Variants in FOXK2 observed in about 807,000 individuals in gnomAD.
FOXK2 encodes forkhead box protein K2.
Under a neutral mutation model 53.3 loss-of-function variants are expected in FOXK2, and 24 were observed. That is an observed-to-expected ratio of 0.45 (90% CI 0.33 to 0.63). The LOEUF is 0.63. FOXK2 is among the 30% of genes least tolerant of loss of function. FOXK2 has a pLI of 0.03. For synonymous variants in FOXK2, 505 were observed against 407.1 expected (o/e 1.24, Z -2.89); for missense variants, 952 against 910.5 (o/e 1.05, Z -0.59).
chr17:82,571,861 G>A lies in FOXK2; in HGVS notation c.900G>A (p.Lys300=), dbSNP rs763098862. The change falls in exon 4 of 9, where the codon AAG becomes AAA. Residue 300 remains lysine, a synonymous_variant. Coordinates refer to ENST00000335255, the MANE Select transcript of FOXK2 (RefSeq NM_004514.4). ...KNYPYYRTAD[K]GWQNSIRHNL... is the part of the protein sequence containing the mutation. ...ATCCCTACTACAGGACTGCGGACAA[G>A]GGCTGGCAGGTAAATGCCTTCAGTT... 1.9e-6 allele frequency: 3 copies of A among 1,559,428 alleles called. No individual in the cohort carries two copies. The highest frequency in any genetic ancestry group is 2.4e-5 in the East Asian group (1 of 41,696).
At chr17:82,593,441 C>A (rs1014454611) in intron 8 of FOXK2, 1 of 152,554 alleles carries the variant, frequency 6.6e-6, no homozygotes, top group East Asian at 1.9e-4. Context: ...CCCGCGCCCC[C>A]CTGGCGGAGC....
intron 4 of FOXK2, chr17:82,576,700 G>A (rs928330052): frequency 1.6e-5 from 17 of 1,069,352 alleles, no homozygotes; most frequent in African/African-American, 9.6e-5. Context: ...TCTAGTCCTC[G>A]GCCTTCTTTT....
intron 6 of FOXK2, among the ~76,000 whole-genome samples, chr17:82,584,549 CTTTT>C (rs34083156): frequency 0.013 from 1,162 of 89,772 alleles, 2 homozygotes; most frequent in South Asian, 0.042. Context: ...AAAACATGTC[CTTTT>C]TTTTTTTTTT....
intron 5 of FOXK2, among the ~76,000 whole-genome samples, chr17:82,583,707 C>T (rs1035329429): frequency 5.3e-5 from 8 of 152,176 alleles, no homozygotes; most frequent in South Asian, 2.1e-4. Flanking sequence ...CGGACCTGCT[C>T]GCTGCCGGCT....
At chr17:82,597,390 C>T (rs2045325484) in intron 8 of FOXK2, among the ~76,000 whole-genome samples, 1 of 152,176 alleles carries the variant, frequency 6.6e-6, no homozygotes, top group Non-Finnish European at 1.5e-5. Context: ...TGTGGCCCAC[C>T]CCGGGGCTGC....
chr17:82,532,171 T>G (rs1034986323), intron 1 of FOXK2, among the ~76,000 whole-genome samples: 28 of 150,710 alleles, frequency 1.9e-4, no homozygotes, highest in African/African-American at 6.9e-4. Context: ...TGAGATGGAG[T>G]TTCGCTCTTG....
chr17:82,530,514 T>TG (rs2044463676), intron 1 of FOXK2, among the ~76,000 whole-genome samples: 1 of 147,956 alleles, frequency 6.8e-6, no homozygotes. Flanking sequence ...TGATGTGTTT[T>TG]TTTTTTTTTT....
intron 2 of FOXK2, 127 bp downstream of exon 2, chr17:82,563,675 A>G: frequency 1.3e-6 from 1 of 772,600 alleles, no homozygotes; most frequent in Non-Finnish European, 1.9e-6. Context: ...TTAAAATATC[A>G]TTGGATTTCT....
At chr17:82,520,972 G>A (rs2044356326) in intron 1 of FOXK2, among the ~76,000 whole-genome samples, 1 of 152,134 alleles carries the variant, frequency 6.6e-6, no homozygotes. Flanking sequence ...TTATTACAAG[G>A]TCATGTAGAG....
intron 2 of FOXK2, among the ~76,000 whole-genome samples, chr17:82,566,832 G>A (rs2144120982): frequency 6.6e-6 from 1 of 152,342 alleles, no homozygotes; most frequent in African/African-American, 2.4e-5. Context: ...GGTGGAGCGA[G>A]CCTGAGCAAC....
In FOXK2 at chr17:82,561,824, G is replaced by A. The variant is rs149072626; in HGVS notation, c.420-1530G>A. On this transcript the variant is annotated intron_variant, in intron 1 of 8. Transcript: ENST00000335255. ...CCCTTCTTGGGCAGGTGCCTGAAGC[G>A]GGAGGGCCATGGCGTAGCCTCCGAC... 5.3e-3 allele frequency among the ~76,000 whole-genome samples: 808 copies of A among 152,212 alleles called. 5 individuals carry two copies. The highest frequency in any genetic ancestry group is 9.6e-3 in the Non-Finnish European group (653 of 68,006).
chr17:82,569,220 G>C (rs1324073829), intron 3 of FOXK2, among the ~76,000 whole-genome samples: 3 of 152,194 alleles, frequency 2.0e-5, no homozygotes, highest in African/African-American at 7.2e-5. Context: ...TATCCCAGCA[G>C]AACGCAGCAC....
At chr17:82,524,539 G>A (rs1406539925) in intron 1 of FOXK2, among the ~76,000 whole-genome samples, 1 of 152,192 alleles carries the variant, frequency 6.6e-6, no homozygotes. Context: ...TTTCCACAGT[G>A]GCTGGGGAGC....
intron 4 of FOXK2, among the ~76,000 whole-genome samples, chr17:82,577,701 C>G (rs1037895217): frequency 1.3e-5 from 2 of 152,184 alleles, no homozygotes; most frequent in Admixed American, 6.5e-5. Context: ...CTCTCAGCCT[C>G]CAAAGGGACT....
chr17:82,564,022 G>A (rs1378240505), intron 2 of FOXK2, among the ~76,000 whole-genome samples: 1 of 151,398 alleles, frequency 6.6e-6, no homozygotes, highest in Non-Finnish European at 1.5e-5. Context: ...CAAGTGTTGG[G>A]ATTACAGGCT....
rs747228346 is a variant in FOXK2 at position 82,571,818 on chromosome 17, C to A, written c.857C>A (p.Thr286Lys). 2 of 1,603,058 alleles carry A rather than the reference C, an allele frequency of 1.2e-6. No individual in the cohort carries two copies. The highest frequency in any genetic ancestry group is 1.3e-5 in the African/African-American group (1 of 74,092). The change falls in exon 4 of 9, where the codon ACA (threonine) becomes AAA (lysine). Residue 286 changes from threonine (T) to lysine (K), a missense_variant. Thr to Lys is a moderately conservative substitution (Grantham distance 78). Around this residue, in one of 5 missense-constraint regions of FOXK2, gnomAD observed 160 missense variants for 214.2 expected, o/e 0.75. Transcript: ENST00000335255. ...CAGCTCACCCTGAACGGGATTTATA[C>A]ACACATCACTAAAAATTATCCCTAC... ...DKQLTLNGIY[T>K]HITKNYPYYR...
chr17:82,560,297 T>C (rs978747327), intron 1 of FOXK2, among the ~76,000 whole-genome samples: 1 of 152,028 alleles, frequency 6.6e-6, no homozygotes, highest in Admixed American at 6.6e-5. Flanking sequence ...CATGAACCAC[T>C]GCGCCCGGCC....
chr17:82,570,396 G>A (rs1022688462), intron 3 of FOXK2, among the ~76,000 whole-genome samples: 7 of 152,228 alleles, frequency 4.6e-5, no homozygotes, highest in African/African-American at 1.4e-4. Context: ...GGGCGGCTGA[G>A]GTGGGAGGAT....
At chr17:82,531,159 A>G (rs62078095) in intron 1 of FOXK2, among the ~76,000 whole-genome samples, 5,924 of 152,128 alleles carry the variant, frequency 0.039, 126 homozygotes, top group Non-Finnish European at 0.044. Context: ...TCATCTTTAC[A>G]TTGTACACTT....
Sources: gnomAD v4.1 joint callset for allele counts (sites outside exome capture counted in the v4.1 genomes callset) on GRCh38, gnomAD v4.1.1 for gene constraint, gnomAD v4.1.1 regional missense constraint, MANE v1.5 for transcripts, NCBI Gene and HGNC (gene_info 2026-07-23, HGNC 2026-07-21) for gene names.